Variants in LAMP5 observed in about 807,000 individuals in gnomAD.
LAMP5 encodes the protein lysosome-associated membrane glycoprotein 5.
Under a neutral mutation model 30.2 loss-of-function variants are expected in LAMP5, and 36 were observed. The observed-to-expected ratio is 1.19, with a 90% CI of 0.91 to 1.57. LAMP5 has a LOEUF of 1.57. Ranked by LOEUF, LAMP5 falls within the 40% of genes most tolerant of loss-of-function variation. The pLI, the probability that LAMP5 is intolerant of heterozygous loss-of-function variation, is 0.00. For missense variants in LAMP5, 377 were observed against 354.9 expected, an observed-to-expected ratio of 1.06 and a Z score of -0.50; for synonymous variants, 149 against 134.6, an observed-to-expected ratio of 1.11 and a Z score of -0.74.
intron 2 of LAMP5, 99 bp from the exon 3 acceptor site, chr20:9,515,901 C>A: frequency 1.5e-6 from 2 of 1,338,678 alleles, no homozygotes; most frequent in Non-Finnish European, 2.0e-6. Flanking sequence ...CGCAAAGGAG[C>A]GCCCAAGCGT....
chr20:9,520,959 T>TG (rs3216353), intron 5 of LAMP5, among the ~76,000 whole-genome samples: 67,216 of 151,966 alleles, frequency 0.44, 18,002 homozygotes, highest in African/African-American at 0.76. Flanking sequence ...CACGCAGAGT[T>TG]GGTTCACTTA....
At position 9,523,173 on chromosome 20, in the gene LAMP5, T is replaced by C. The variant is rs188716733; in HGVS notation, c.664+4945T>C. ...CCCACTCATCTTAACAGCTTCTCAG[T>C]ATACAAAATATATTTTGCTGATGTT... On this transcript the variant is annotated intron_variant, in intron 5 of 5. Transcript: ENST00000246070. Among the ~76,000 whole-genome samples the C allele has an allele frequency of 3.3e-5, 5 of 152,166 alleles. No homozygotes were observed. In the East Asian group the frequency reaches 9.7e-4, roughly 29 times the overall value.
intron 5 of LAMP5, among the ~76,000 whole-genome samples, chr20:9,523,817 T>G (rs2045094287): frequency 6.6e-6 from 1 of 152,208 alleles, no homozygotes. Context: ...CTCTTCTCCC[T>G]GGCGGAAGTC....
Position 9,530,308 on chromosome 20 carries a change from A to T in LAMP5, c.*488A>T, listed in dbSNP as rs957275506. Reference sequence around the variant, plus strand: ...CCCTGCAGCAAGACCCCTGAAAGTGATTCATGCTTCTGGCTGGCATTCTGC... The same window carrying T: ...CCCTGCAGCAAGACCCCTGAAAGTGTTTCATGCTTCTGGCTGGCATTCTGC... On this transcript the variant is annotated 3_prime_UTR_variant, in exon 6 of 6. Transcript: ENST00000246070. 2 of 152,926 alleles carry T rather than the reference A, an allele frequency of 1.3e-5. No individual in the cohort carries two copies. Among genetic ancestry groups the T allele is most frequent in the African/African-American group, 4.8e-5 (2 of 41,424 alleles). 9.5% of individuals were successfully genotyped at this position (152,926 alleles called of 1,614,324 possible). A position where few individuals can be genotyped will look rare whatever the true frequency, so the allele number is the denominator to read the frequency against.
chr20:9,521,960 C>T (rs1210221528), intron 5 of LAMP5, among the ~76,000 whole-genome samples: 1 of 152,062 alleles, frequency 6.6e-6, no homozygotes, highest in Admixed American at 6.6e-5. Context: ...CATAACAAAA[C>T]AAAACAAAAC....
chr20:9,525,358 A>T (rs1478839097), intron 5 of LAMP5, among the ~76,000 whole-genome samples: 1 of 152,218 alleles, frequency 6.6e-6, no homozygotes, highest in Non-Finnish European at 1.5e-5. Context: ...TGTGCCAGGC[A>T]CTGTGCTTGG....
chr20:9,518,676 A>G (rs887645247), intron 5 of LAMP5, among the ~76,000 whole-genome samples: 1 of 152,234 alleles, frequency 6.6e-6, no homozygotes, highest in Non-Finnish European at 1.5e-5. Context: ...AGTATTTAAG[A>G]CGTTAGTTAA....
intron 5 of LAMP5, among the ~76,000 whole-genome samples, chr20:9,519,067 G>A (rs1160644774): frequency 6.6e-6 from 1 of 152,176 alleles, no homozygotes; most frequent in South Asian, 2.1e-4. Context: ...GCAGAGGTAG[G>A]GCACAAGGGG....
At chr20:9,524,420 T>C (rs1393340655) in intron 5 of LAMP5, among the ~76,000 whole-genome samples, 1 of 151,578 alleles carries the variant, frequency 6.6e-6, no homozygotes, top group Admixed American at 6.6e-5. Flanking sequence ...TTTGTCAAAC[T>C]TCTGCTTTAG....
In LAMP5 at chr20:9,514,911, T is replaced by A. The variant is rs146492415; in HGVS notation, c.59T>A (p.Leu20Ter). 6.2e-6 allele frequency: 10 copies of A among 1,614,020 alleles called. No individual in the cohort carries two copies. The African/African-American group carries it at 1.2e-4, about 19-fold the overall frequency. Residue 20 changes from leucine to a stop codon, truncating the protein, a stop_gained, in exon 1 of 6, where the codon TTG becomes TAG. Coordinates refer to ENST00000246070, the MANE Select transcript of LAMP5 (RefSeq NM_012261.4). LOFTEE classifies it high-confidence loss of function. ...GACAGACTTCGAGTTCTCCTGATGT[T>A]GTTCCGTGAGTAGCGATTTGGCGAC... is the stretch of plus-strand genomic sequence containing the variant. ...SIDRLRVLLM[L>*]FHTMAQIMAE... is the part of the protein sequence containing the mutation.
chr20:9,515,927 G>C (rs1016837575), intron 2 of LAMP5, 73 bp from the exon 3 acceptor site: 84 of 1,419,094 alleles, frequency 5.9e-5, no homozygotes, highest in Non-Finnish European at 6.8e-5. Context: ...CCAGAGTTTG[G>C]ACGCGCCGCC....
At chr20:9,517,104 C>T (rs1245953178) in intron 4 of LAMP5, among the ~76,000 whole-genome samples, 3 of 152,198 alleles carry the variant, frequency 2.0e-5, no homozygotes, top group South Asian at 2.1e-4. Flanking sequence ...TTATTGAATA[C>T]ATAAAAATAC....
chr20:9,525,853 C>T (rs910926619), intron 5 of LAMP5, among the ~76,000 whole-genome samples: 2 of 152,200 alleles, frequency 1.3e-5, no homozygotes, highest in African/African-American at 4.8e-5. Context: ...GATTTTGCTA[C>T]ATAAGCTCTT....
intron 4 of LAMP5, among the ~76,000 whole-genome samples, chr20:9,517,825 C>A (rs1393421341): frequency 6.6e-6 from 1 of 152,080 alleles, no homozygotes; most frequent in Non-Finnish European, 1.5e-5. Flanking sequence ...AAAGGAGTTC[C>A]AAATTAATAT....
intron 4 of LAMP5, 103 bp downstream of exon 4, chr20:9,516,464 G>T: frequency 1.0e-6 from 1 of 977,362 alleles, no homozygotes; most frequent in Non-Finnish European, 1.6e-6. Flanking sequence ...ACGCTTTGAG[G>T]TCCCAGGCCA....
intron 5 of LAMP5, among the ~76,000 whole-genome samples, chr20:9,528,054 A>C (rs1357275444): frequency 6.6e-6 from 1 of 152,244 alleles, no homozygotes; most frequent in Non-Finnish European, 1.5e-5. Context: ...AATCAACCTA[A>C]GTGTCCATCA....
chr20:9,517,903 G>A, intron 4 of LAMP5, 137 bp from the exon 5 acceptor site: 1 of 642,908 alleles, frequency 1.6e-6, no homozygotes, highest in Non-Finnish European at 2.6e-6. Flanking sequence ...GCCATTTGTA[G>A]AGCCCTAGCC....
At chr20:9,517,911 G>C (rs1034503478) in intron 4 of LAMP5, 129 bp from the exon 5 acceptor site, 154 of 719,582 alleles carry the variant, frequency 2.1e-4, no homozygotes, top group Non-Finnish European at 3.1e-4. Context: ...TAGAGCCCTA[G>C]CCCTGGCAAG....
In LAMP5 at chr20:9,530,032, C is replaced by T. The variant is rs1324847078; in HGVS notation, c.*212C>T. The T allele has an allele frequency of 2.2e-6, 1 of 465,048 alleles. No individual in the cohort carries two copies. The highest frequency in any genetic ancestry group is 3.8e-6 in the Non-Finnish European group (1 of 262,350). The allele number at this position is 465,048 out of a possible 1,614,324, so 28.8% of individuals were successfully genotyped here. On this transcript the variant is annotated 3_prime_UTR_variant, in exon 6 of 6. Transcript: ENST00000246070. ...TGTAGGGTGAAATGGCAATTATTCT[C>T]TCCATGCTGGGGAGGAGGGGAGGAG...
Sources: allele counts gnomAD v4.1 joint callset (sites outside exome capture counted in the v4.1 genomes callset), GRCh38; gene constraint gnomAD v4.1.1; transcripts MANE v1.5; gene names NCBI Gene and HGNC (gene_info 2026-07-23, HGNC 2026-07-21).